The following DCC variants were observed in gnomAD, a reference collection of about 807,000 sequenced individuals.
The protein encoded by DCC is netrin receptor DCC.
DCC carries 58 observed loss-of-function variants against 172.5 expected under a neutral mutation model. The observed-to-expected ratio is 0.34, with a 90% confidence interval of 0.27 to 0.42. DCC has a LOEUF of 0.42. Ranked by LOEUF, DCC falls within the 10% of genes least tolerant of loss-of-function variation. DCC has a pLI of 1.00. For missense variants in DCC, 1,740 were observed against 1,791.0 expected (o/e 0.97, Z 0.51); for synonymous variants, 709 against 644.5 (o/e 1.10, Z -1.52).
intron 1 of DCC, among the ~76,000 whole-genome samples, chr18:52,645,157 T>C (rs2034995236): frequency 6.6e-6 from 1 of 152,278 alleles, no homozygotes; most frequent in South Asian, 2.1e-4. Context: ...AGATCTGCCT[T>C]GATCAGCTTT....
At chr18:52,795,132 T>C (rs1303289892) in intron 2 of DCC, among the ~76,000 whole-genome samples, 1 of 152,064 alleles carries the variant, frequency 6.6e-6, no homozygotes, top group African/African-American at 2.4e-5. Flanking sequence ...ATCAGGGTAA[T>C]TCTGGCCTTG....
intron 1 of DCC, among the ~76,000 whole-genome samples, chr18:52,694,773 T>C (rs1045333746): frequency 6.6e-6 from 1 of 152,096 alleles, no homozygotes; most frequent in African/African-American, 2.4e-5. Flanking sequence ...TAATGGCATA[T>C]GACCTTGGGC....
At chr18:52,558,019 T>C (rs2032954504) in intron 1 of DCC, among the ~76,000 whole-genome samples, 1 of 152,190 alleles carries the variant, frequency 6.6e-6, no homozygotes, top group Admixed American at 6.6e-5. Context: ...GAGTATATTA[T>C]ATATAAATTT....
intron 27 of DCC, among the ~76,000 whole-genome samples, chr18:53,499,887 T>C (rs1006388258): frequency 6.6e-6 from 1 of 152,226 alleles, no homozygotes; most frequent in Non-Finnish European, 1.5e-5. Context: ...TGTAAAGGTA[T>C]AAAAATCTGC....
rs1433204431 is a variant in DCC, at chr18:53,410,503, T to C, written c.2987T>C (p.Ile996Thr). The change falls in exon 20 of 29, where the codon ATT becomes ACT. Residue 996 changes from isoleucine to threonine, a missense_variant. By Grantham distance (89) the Ile-to-Thr change is moderately conservative (BLOSUM62 -1). Coordinates refer to ENST00000442544, the MANE Select transcript of DCC (RefSeq NM_005215.4). ...AAGAACATCCCAATTGATGACTGGA[T>C]TATGGAAACAATCAGTGGTGATAGG... ...LDKNIPIDDWIMETISGDRLT... is the reference protein window; with the variant it reads ...LDKNIPIDDWTMETISGDRLT... 6.2e-7 allele frequency: 1 copy of C among 1,609,920 alleles called. No homozygotes were observed. Among genetic ancestry groups the C allele is most frequent in the Non-Finnish European group, 8.5e-7 (1 of 1,176,322 alleles).
At chr18:53,394,005 T>G (rs1183259567) in intron 17 of DCC, among the ~76,000 whole-genome samples, 1 of 151,734 alleles carries the variant, frequency 6.6e-6, no homozygotes. Context: ...AATTTAAATT[T>G]TACAAATAAT....
At chr18:53,100,429 C>T (rs2043154107) in intron 7 of DCC, among the ~76,000 whole-genome samples, 1 of 151,658 alleles carries the variant, frequency 6.6e-6, no homozygotes, top group South Asian at 2.1e-4. Context: ...ATAATGTTCA[C>T]AGCAAATAAA....
chr18:53,041,767 T>C (rs79054081), intron 5 of DCC, among the ~76,000 whole-genome samples: 6,029 of 152,194 alleles, frequency 0.04, 375 homozygotes, highest in African/African-American at 0.13. Context: ...TATTTTATTC[T>C]CTTTGTAGCA....
chr18:52,730,104 T>A (rs937502101), intron 1 of DCC, among the ~76,000 whole-genome samples: 4 of 152,234 alleles, frequency 2.6e-5, no homozygotes, highest in South Asian at 2.1e-4. Context: ...ATGATTTTTT[T>A]AAAAAAATGA....
chr18:52,570,327 T>C (rs2033263682), intron 1 of DCC, among the ~76,000 whole-genome samples: 1 of 152,170 alleles, frequency 6.6e-6, no homozygotes, highest in South Asian at 2.1e-4. Flanking sequence ...AAGCAGATGC[T>C]TCTCCCGTTT....
chr18:53,410,267 T>G (rs1022023440), intron 19 of DCC, among the ~76,000 whole-genome samples, 185 bp from the exon 20 acceptor site: 8 of 152,146 alleles, frequency 5.3e-5, no homozygotes, highest in African/African-American at 1.7e-4. Context: ...ATTCTGTACA[T>G]TGCAGCAATT....
intron 1 of DCC, among the ~76,000 whole-genome samples, chr18:52,482,540 A>G (rs1409283245): frequency 6.6e-6 from 1 of 151,694 alleles, no homozygotes; most frequent in African/African-American, 2.4e-5. Context: ...GTTTTAGCAG[A>G]TGGCCTTCTT....
At chr18:53,181,767 G>A (rs1480742109) in intron 9 of DCC, among the ~76,000 whole-genome samples, 3 of 152,138 alleles carry the variant, frequency 2.0e-5, no homozygotes, top group Non-Finnish European at 4.4e-5. Context: ...GATTTGGGGG[G>A]AAGCAGGTAT....
At position 52,798,841 on chromosome 18, in the gene DCC, C is replaced by T. The variant is rs566394502; in HGVS notation, c.412+46467C>T. On this transcript the variant is annotated intron_variant, in intron 2 of 28. Transcript: ENST00000442544. ...GATCTTGTCTCCCTGCAACCTCCCCCTCCCAGGTTCCAGTAATTCTCCTGC... is the reference window on the plus strand; with the variant it reads ...GATCTTGTCTCCCTGCAACCTCCCCTTCCCAGGTTCCAGTAATTCTCCTGC... 2.0e-5 allele frequency among the ~76,000 whole-genome samples: 3 copies of T among 152,174 alleles called. No homozygotes were observed. In the South Asian group the frequency reaches 6.2e-4, roughly 32 times the overall value.
At chr18:52,846,218 G>A (rs1421710004) in intron 2 of DCC, among the ~76,000 whole-genome samples, 2 of 152,166 alleles carry the variant, frequency 1.3e-5, no homozygotes, top group South Asian at 2.1e-4. Context: ...GAAAGGGAAA[G>A]AGTTTAATGA....
At chr18:52,630,440 T>C (rs79548817) in intron 1 of DCC, among the ~76,000 whole-genome samples, 3,404 of 152,318 alleles carry the variant, frequency 0.022, 104 homozygotes, top group Admixed American at 0.077. Flanking sequence ...TGAGTGTCTG[T>C]TTCCTTATTC....
chr18:52,840,857 A>G (rs1432077221), intron 2 of DCC, among the ~76,000 whole-genome samples: 1 of 152,266 alleles, frequency 6.6e-6, no homozygotes, highest in African/African-American at 2.4e-5. Flanking sequence ...GCAGTGAACT[A>G]CAAAATGAAG....
chr18:53,240,877 A>G (rs576647507), intron 12 of DCC, among the ~76,000 whole-genome samples: 2 of 152,314 alleles, frequency 1.3e-5, no homozygotes, highest in African/African-American at 4.8e-5. Flanking sequence ...ATAGTTACAG[A>G]TAACATTTTC....
intron 1 of DCC, among the ~76,000 whole-genome samples, chr18:52,663,646 AATATATATTAT>A (rs1454686199): frequency 6.6e-6 from 1 of 152,204 alleles, no homozygotes; most frequent in African/African-American, 2.4e-5. Flanking sequence ...CATAGTAATG[AATATATATTAT>A]ATATAAATGC....
Sources: allele counts gnomAD v4.1 joint callset (sites outside exome capture counted in the v4.1 genomes callset), GRCh38; gene constraint gnomAD v4.1.1; transcripts MANE v1.5; gene names NCBI Gene and HGNC (gene_info 2026-07-23, HGNC 2026-07-21).